Variants in GULP1 observed in about 807,000 individuals in gnomAD.
The protein encoded by GULP1 is PTB domain-containing engulfment adapter protein 1.
In GULP1, 19 loss-of-function variants were observed where a neutral mutation model predicts 40.9. That is an observed-to-expected ratio of 0.46 (90% CI 0.32 to 0.68). GULP1 has a LOEUF of 0.68. Ranked by LOEUF, GULP1 falls within the 30% of genes least tolerant of loss-of-function variation. GULP1 has a pLI of 0.03. For synonymous variants in GULP1, 119 were observed against 117.6 expected, an observed-to-expected ratio of 1.01 and a Z score of -0.08; for missense variants, 312 against 362.2, an observed-to-expected ratio of 0.86 and a Z score of 1.12.
At chr2:188,527,724 C>T (rs919057369) in intron 5 of GULP1, among the ~76,000 whole-genome samples, 2 of 152,088 alleles carry the variant, frequency 1.3e-5, no homozygotes, top group African/African-American at 2.4e-5. Context: ...ATGGTACCCC[C>T]TGGGATAGGA....
In GULP1 at chr2:188,493,327, C is replaced by G. The variant is rs536787062; in HGVS notation, c.90+9835C>G. On this transcript the variant is annotated intron_variant, in intron 4 of 11. Coordinates refer to ENST00000409830, the MANE Select transcript of GULP1 (RefSeq NM_016315.4). ...AAAATCTGAATCCATCCCAATTTCC[C>G]TCCTTGAAGGGGTCTTACTTTTTCT... is the stretch of plus-strand genomic sequence containing the variant. Among the ~76,000 whole-genome samples the G allele has an allele frequency of 2.6e-5, 4 of 152,088 alleles. No homozygotes were observed. The South Asian group carries it at 6.2e-4, about 24-fold the overall frequency.
chr2:188,368,069 TTTC>T (rs1346043868), intron 1 of GULP1, among the ~76,000 whole-genome samples: 5 of 152,180 alleles, frequency 3.3e-5, no homozygotes, highest in African/African-American at 1.2e-4. Context: ...TCTTTCTCTT[TTTC>T]TTCTTTTGCC....
intron 6 of GULP1, among the ~76,000 whole-genome samples, chr2:188,539,670 A>T (rs1689925993): frequency 6.6e-6 from 1 of 152,126 alleles, no homozygotes; most frequent in East Asian, 1.9e-4. Flanking sequence ...CAACTCTTCG[A>T]TGGCTTACCG....
intron 2 of GULP1, among the ~76,000 whole-genome samples, chr2:188,449,684 G>A (rs907238559): frequency 7.9e-5 from 12 of 152,144 alleles, no homozygotes; most frequent in Non-Finnish European, 1.5e-4. Context: ...CTGCTAATGG[G>A]AAAGATTGTA....
At chr2:188,548,146 C>T (rs1460286795) in intron 7 of GULP1, among the ~76,000 whole-genome samples, 1 of 151,934 alleles carries the variant, frequency 6.6e-6, no homozygotes, top group South Asian at 2.1e-4. Flanking sequence ...GACAAAAAAG[C>T]ATATAATAAA....
chr2:188,376,001 C>T (rs9288157), intron 1 of GULP1, among the ~76,000 whole-genome samples: 30,711 of 151,952 alleles, frequency 0.2, 3,300 homozygotes, highest in African/African-American at 0.26. Flanking sequence ...TCCATATCCA[C>T]GTTTTACATT....
chr2:188,309,558 T>G (rs540807950), intron 1 of GULP1, among the ~76,000 whole-genome samples: 326 of 152,290 alleles, frequency 2.1e-3, no homozygotes, highest in African/African-American at 7.1e-3. Flanking sequence ...GGATCAAGAT[T>G]GATTATGCAA....
chr2:188,352,474 G>T (rs1485555285), intron 1 of GULP1, among the ~76,000 whole-genome samples: 1 of 151,994 alleles, frequency 6.6e-6, no homozygotes, highest in African/African-American at 2.4e-5. Context: ...CTGAAACTAC[G>T]CCAGGTTGTT....
chr2:188,591,954 T>C (rs1170657122), intron 11 of GULP1: 1 of 151,932 alleles, frequency 6.6e-6, no homozygotes, highest in East Asian at 1.9e-4. Flanking sequence ...GTCTCATTTT[T>C]ATTAAGAAGT....
At chr2:188,472,279 T>A (rs2060652820) in intron 2 of GULP1, among the ~76,000 whole-genome samples, 1 of 152,176 alleles carries the variant, frequency 6.6e-6, no homozygotes, top group Admixed American at 6.5e-5. Flanking sequence ...TGCTTGGTGT[T>A]GTATAACCTT....
intron 6 of GULP1, among the ~76,000 whole-genome samples, chr2:188,532,489 T>G (rs962654749): frequency 2.6e-5 from 4 of 152,120 alleles, no homozygotes; most frequent in Non-Finnish European, 5.9e-5. Context: ...CGAAAATGGA[T>G]CATGTAATGC....
chr2:188,396,691 C>A (rs1229870338), intron 2 of GULP1, among the ~76,000 whole-genome samples: 2 of 152,208 alleles, frequency 1.3e-5, no homozygotes, highest in Non-Finnish European at 2.9e-5. Flanking sequence ...AGCACACTTC[C>A]CACTTGCCTC....
chr2:188,505,787 T>G (rs2063846545), intron 4 of GULP1, among the ~76,000 whole-genome samples: 1 of 151,900 alleles, frequency 6.6e-6, no homozygotes, highest in African/African-American at 2.4e-5. Context: ...GGCATTGAAA[T>G]AATTTATGAT....
chr2:188,360,843 A>T (rs952339164), intron 1 of GULP1, among the ~76,000 whole-genome samples: 1 of 152,116 alleles, frequency 6.6e-6, no homozygotes, highest in Non-Finnish European at 1.5e-5. Flanking sequence ...TGATTTTAAG[A>T]ATTGAAAAGT....
chr2:188,487,187 A>G (rs2153078989), intron 4 of GULP1, among the ~76,000 whole-genome samples: 1 of 152,106 alleles, frequency 6.6e-6, no homozygotes, highest in Non-Finnish European at 1.5e-5. Context: ...TGTTAGAGTG[A>G]GACAGTCATT....
intron 2 of GULP1, among the ~76,000 whole-genome samples, chr2:188,437,814 A>T (rs1575243407): frequency 1.3e-5 from 2 of 152,254 alleles, no homozygotes; most frequent in African/African-American, 4.8e-5. Context: ...TAGCAAGCTA[A>T]CTTAGGAACA....
At chr2:188,547,378 T>C (rs150587815) in intron 7 of GULP1, among the ~76,000 whole-genome samples, 388 of 152,138 alleles carry the variant, frequency 2.6e-3, no homozygotes, top group African/African-American at 8.3e-3. Context: ...TATTGGAAGT[T>C]TATTAAGGAG....
intron 4 of GULP1, among the ~76,000 whole-genome samples, chr2:188,516,817 C>T (rs1219492086): frequency 6.6e-6 from 1 of 152,086 alleles, no homozygotes; most frequent in African/African-American, 2.4e-5. Context: ...TGTTCTAGTT[C>T]GTATCTTATT....
chr2:188,583,645 G>A (rs895177607), intron 9 of GULP1, among the ~76,000 whole-genome samples: 4 of 152,098 alleles, frequency 2.6e-5, no homozygotes, highest in East Asian at 3.9e-4. Flanking sequence ...GTACACTGGC[G>A]ATTATTAATT....
Sources: gnomAD v4.1 joint callset for allele counts (sites outside exome capture counted in the v4.1 genomes callset) on GRCh38, gnomAD v4.1.1 for gene constraint, MANE v1.5 for transcripts, NCBI Gene and HGNC (gene_info 2026-07-23, HGNC 2026-07-21) for gene names.